SUGT1: variants seen among roughly 807,000 people sequenced by gnomAD.
SUGT1 encodes SGT1 assembly cochaperone of MIS12 kinetochore complex.
SUGT1 carries 15 observed loss-of-function variants against 56.1 expected under a neutral mutation model. The ratio of observed to expected loss-of-function variants is 0.27; its 90% CI spans 0.18 to 0.41. SUGT1 has a LOEUF of 0.41. Ranked by LOEUF, SUGT1 falls within the 10% of genes least tolerant of loss-of-function variation. The pLI, the probability that SUGT1 is intolerant of heterozygous loss-of-function variation, is 1.00. For synonymous variants in SUGT1, 123 were observed against 128.6 expected, an observed-to-expected ratio of 0.96 and a Z score of 0.30; for missense variants, 347 against 382.2, an observed-to-expected ratio of 0.91 and a Z score of 0.77.
chr13:52,662,569 T>G, intron 5 of SUGT1, 80 bp from the exon 6 acceptor site: 4 of 1,440,960 alleles, frequency 2.8e-6, no homozygotes, highest in Non-Finnish European at 3.9e-6. Flanking sequence ...CTGCCTGGGA[T>G]GTAGTAGGTA....
rs1963889459 is a variant in SUGT1, at chr13:52,695,083, A to G, written c.*7248A>G. Reference sequence around the variant, plus strand: ...CATATACAAGTGTGTAGACATTAATATGGGCTCACTGTCAGCTGGGAGTTC... The same window carrying G: ...CATATACAAGTGTGTAGACATTAATGTGGGCTCACTGTCAGCTGGGAGTTC... On this transcript the variant is annotated 3_prime_UTR_variant, in exon 13 of 13. Coordinates refer to ENST00000310528, the MANE Select transcript of SUGT1 (RefSeq NM_006704.5). 1.3e-5 allele frequency: 2 copies of G among 152,214 alleles called. No homozygotes were observed. Among genetic ancestry groups the G allele is most frequent in the African/African-American group, 2.4e-5 (1 of 41,458 alleles). 9.4% of individuals were successfully genotyped at this position (152,214 alleles called of 1,614,324 possible). A position where few individuals can be genotyped will look rare whatever the true frequency, so the allele number is the denominator to read the frequency against.
intron 12 of SUGT1, among the ~76,000 whole-genome samples, chr13:52,685,080 T>A (rs1460027010): frequency 3.3e-5 from 5 of 151,682 alleles, no homozygotes; most frequent in Non-Finnish European, 5.9e-5. Flanking sequence ...TTTTTTTTTT[T>A]TTTCTAGTCA....
intron 2 of SUGT1, among the ~76,000 whole-genome samples, chr13:52,656,585 A>G (rs1232487733): frequency 2.0e-5 from 3 of 152,208 alleles, no homozygotes; most frequent in Admixed American, 2.0e-4. Flanking sequence ...TGCAAGCTAC[A>G]AAGTGAGGCC....
chr13:52,688,123 C>T lies in SUGT1; in HGVS notation c.*288C>T, dbSNP rs1963666226. The T allele has an allele frequency of 5.5e-6, 1 of 182,904 alleles. No homozygotes were observed. Among genetic ancestry groups the T allele is most frequent in the African/African-American group, 2.3e-5 (1 of 42,604 alleles). 11.3% of individuals were successfully genotyped at this position (182,904 alleles called of 1,614,324 possible). A position where few individuals can be genotyped will look rare whatever the true frequency, so the allele number is the denominator to read the frequency against. The stretch of plus-strand genomic sequence containing the variant: ...TATCTAGTTGTGGGGATGGAGAAAT[C>T]TTTAATGGTATATTTTCGGTTATTG... On this transcript the variant is annotated 3_prime_UTR_variant, in exon 13 of 13. Coordinates refer to ENST00000310528, the MANE Select transcript of SUGT1 (RefSeq NM_006704.5).
At position 52,661,610 on chromosome 13, in the gene SUGT1, TAA is replaced by T. The variant is rs1178887872; in HGVS notation, c.329-1038_329-1037del. ...GCCCGGCCAAAATCTGGGAAAAAGT[TAA>T]GTTAAACTTTTAGGCTTCTATTTTT... On this transcript the variant is annotated intron_variant, in intron 5 of 12. Coordinates refer to ENST00000310528, the MANE Select transcript of SUGT1 (RefSeq NM_006704.5). 3 of 418,192 alleles carry T rather than the reference TAA, an allele frequency of 7.2e-6. No individual in the cohort carries two copies. The East Asian group carries it at 3.1e-4, about 43-fold the overall frequency. The allele number at this position is 418,192 out of a possible 1,614,324, so 25.9% of individuals were successfully genotyped here.
Position 52,681,093 on chromosome 13 carries a change from C to G in SUGT1, c.900+938C>G, listed in dbSNP as rs559467458. On this transcript the variant is annotated intron_variant, in intron 12 of 12. Transcript: ENST00000310528. ...CTTCAAGCAATCTAGCCGCCTCAGC[C>G]TCCCAAAGTGCTGGGATTACAGGCG... 2.6e-5 allele frequency among the ~76,000 whole-genome samples: 4 copies of G among 152,240 alleles called. No individual in the cohort carries two copies. In the South Asian group the frequency reaches 8.3e-4, roughly 32 times the overall value.
intron 10 of SUGT1, among the ~76,000 whole-genome samples, chr13:52,667,727 G>A (rs1962772263): frequency 1.3e-5 from 2 of 152,122 alleles, no homozygotes; most frequent in Non-Finnish European, 2.9e-5. Flanking sequence ...CTCAAAAGAT[G>A]TAGATAATAG....
At chr13:52,664,903 T>C (rs1962626488) in intron 8 of SUGT1, among the ~76,000 whole-genome samples, 1 of 152,160 alleles carries the variant, frequency 6.6e-6, no homozygotes, top group Non-Finnish European at 1.5e-5. Context: ...AGGGATATAA[T>C]AGCGACAGGA....
intron 12 of SUGT1, among the ~76,000 whole-genome samples, chr13:52,684,013 T>A (rs1488051943): frequency 1.3e-5 from 2 of 152,232 alleles, no homozygotes. Flanking sequence ...CTCCAGTAGC[T>A]GGGACTACAG....
chr13:52,693,706 ATGTTT>A lies in SUGT1; in HGVS notation c.*5875_*5879del, dbSNP rs1451384074. ...TTAATCCAGAAGGCTCAAAATACTA[ATGTTT>A]TGTGTGTGTGTGTGTGTGTGCATGT... On this transcript the variant is annotated 3_prime_UTR_variant, in exon 13 of 13. Transcript: ENST00000310528. 3 of 151,124 alleles carry A rather than the reference ATGTTT, an allele frequency of 2.0e-5. No homozygotes were observed. Among genetic ancestry groups the A allele is most frequent in the African/African-American group, 7.4e-5 (3 of 40,488 alleles). 9.4% of individuals were successfully genotyped at this position (151,124 alleles called of 1,614,324 possible).
At chr13:52,682,577 G>T (rs1359593817) in intron 12 of SUGT1, among the ~76,000 whole-genome samples, 1 of 152,198 alleles carries the variant, frequency 6.6e-6, no homozygotes, top group African/African-American at 2.4e-5. Flanking sequence ...GTTCCTTTTT[G>T]TGGGGTGGAT....
At chr13:52,665,022 C>T (rs187338899) in intron 8 of SUGT1, among the ~76,000 whole-genome samples, 7 of 152,178 alleles carry the variant, frequency 4.6e-5, no homozygotes, top group Non-Finnish European at 1.0e-4. Flanking sequence ...AGAATCTAGA[C>T]CCATTAGTCT....
At position 52,674,634 on chromosome 13, in the gene SUGT1, G is replaced by A. The variant is rs372210777; in HGVS notation, c.628-1596G>A. 3.3e-5 allele frequency among the ~76,000 whole-genome samples: 5 copies of A among 151,986 alleles called. No homozygotes were observed. The East Asian group carries it at 7.7e-4, about 24-fold the overall frequency. ...CTGATAAAAGATAAAAGAACCAAAG[G>A]GTGAATAGACTTCTTTTTTTAAGTC... On this transcript the variant is annotated intron_variant, in intron 10 of 12. Transcript: ENST00000310528.
intron 5 of SUGT1, among the ~76,000 whole-genome samples, chr13:52,659,814 A>ATTTTTT (rs71088033): frequency 1.7e-5 from 1 of 58,726 alleles, no homozygotes; most frequent in African/African-American, 7.4e-5. Context: ...ATATATATAT[A>ATTTTTT]TTTTTTTTTT....
At chr13:52,687,638 C>A in intron 12 of SUGT1, 96 bp from the exon 13 acceptor site, 1 of 808,518 alleles carries the variant, frequency 1.2e-6, no homozygotes, top group South Asian at 2.4e-5. Flanking sequence ...ATATAATAGC[C>A]AATATTTGGG....
rs1351218495 is a variant in SUGT1 at position 52,688,970 on chromosome 13, T to C, written c.*1135T>C. On this transcript the variant is annotated 3_prime_UTR_variant, in exon 13 of 13. Transcript: ENST00000310528. ...TAGATCTGACTTTGTTTTCTCACCA[T>C]GATTTTCTCAACTGTAATACCCCAG... 6.6e-6 allele frequency: 1 copy of C among 152,248 alleles called. No homozygotes were observed. The highest frequency in any genetic ancestry group is 1.5e-5 in the Non-Finnish European group (1 of 68,076). 9.4% of individuals were successfully genotyped at this position (152,248 alleles called of 1,614,324 possible).
intron 12 of SUGT1, chr13:52,687,315 G>A (rs534604824): frequency 3.3e-5 from 5 of 152,240 alleles, no homozygotes; most frequent in African/African-American, 1.2e-4. Context: ...CTCTTCAGCT[G>A]GTACAAGAAG....
intron 10 of SUGT1, among the ~76,000 whole-genome samples, chr13:52,670,675 A>G (rs9536227): frequency 1 from 152,142 of 152,244 alleles, 76,020 homozygotes; most frequent in Middle Eastern, 1. Context: ...GGACGTGGTG[A>G]CGGGTGCCTG....
At chr13:52,659,312 A>G in intron 5 of SUGT1, 63 bp downstream of exon 5, 1 of 1,016,676 alleles carries the variant, frequency 9.8e-7, no homozygotes. Flanking sequence ...CCAAAGCTGA[A>G]TTTTGGTAAT....
Sources: gnomAD v4.1 joint callset for allele counts (sites outside exome capture counted in the v4.1 genomes callset) on GRCh38, gnomAD v4.1.1 for gene constraint, MANE v1.5 for transcripts, NCBI Gene and HGNC (gene_info 2026-07-23, HGNC 2026-07-21) for gene names.